Variants in PTPRK observed in about 807,000 individuals in gnomAD.
The protein encoded by PTPRK is protein tyrosine phosphatase receptor type K, also known as receptor-type tyrosine-protein phosphatase kappa.
PTPRK carries 75 observed loss-of-function variants against 178.0 expected under a neutral mutation model. The observed-to-expected ratio is 0.42, with a 90% CI of 0.35 to 0.51. PTPRK has a LOEUF of 0.51. PTPRK is among the 20% of genes least tolerant of loss of function. The pLI is 0.02. For missense variants in PTPRK, 1,441 were observed against 1,797.8 expected (o/e 0.80, Z 3.59); for synonymous variants, 637 against 620.6 (o/e 1.03, Z -0.39).
At chr6:128,400,678 C>T (rs942955810) in intron 1 of PTPRK, among the ~76,000 whole-genome samples, 1 of 152,104 alleles carries the variant, frequency 6.6e-6, no homozygotes, top group African/African-American at 2.4e-5. Flanking sequence ...TATACAGTTC[C>T]TATTGACCAT....
chr6:128,043,805 C>CT (rs34915940), intron 13 of PTPRK, among the ~76,000 whole-genome samples: 117,467 of 150,636 alleles, frequency 0.78, 46,834 homozygotes, highest in South Asian at 0.95. Flanking sequence ...TAGAAGAAAA[C>CT]TTTTTTTTTA....
chr6:128,276,805 A>G (rs558723615), intron 3 of PTPRK, among the ~76,000 whole-genome samples: 5 of 152,166 alleles, frequency 3.3e-5, no homozygotes, highest in Non-Finnish European at 7.4e-5. Flanking sequence ...GATGAGTTCA[A>G]GACTATTCCC....
At chr6:128,435,106 A>C (rs11759849) in intron 1 of PTPRK, among the ~76,000 whole-genome samples, 1,759 of 64,488 alleles carry the variant, frequency 0.027, 34 homozygotes, top group Middle Eastern at 0.037. Context: ...GGAAGGAAGG[A>C]AGGCAGGAAG....
chr6:128,094,405 A>C (rs1018895847), intron 7 of PTPRK, among the ~76,000 whole-genome samples: 1 of 152,168 alleles, frequency 6.6e-6, no homozygotes. Flanking sequence ...GATAGGGGCT[A>C]CTGATGTGGA....
chr6:128,429,630 CT>C (rs1844567402), intron 1 of PTPRK, among the ~76,000 whole-genome samples: 1 of 152,080 alleles, frequency 6.6e-6, no homozygotes, highest in Non-Finnish European at 1.5e-5. Flanking sequence ...AAATATATAT[CT>C]TTTTACAATG....
chr6:128,340,361 A>C (rs929317770), intron 2 of PTPRK, among the ~76,000 whole-genome samples: 7 of 152,226 alleles, frequency 4.6e-5, no homozygotes, highest in African/African-American at 1.7e-4. Flanking sequence ...TTCAGACACC[A>C]GTCTCAGTAA....
intron 5 of PTPRK, among the ~76,000 whole-genome samples, chr6:128,234,870 T>C (rs1340717028): frequency 1.3e-5 from 2 of 152,244 alleles, no homozygotes; most frequent in Non-Finnish European, 2.9e-5. Context: ...CATATGTTCA[T>C]TTTTTGCTTA....
chr6:128,125,497 G>C (rs1028416791), intron 7 of PTPRK, among the ~76,000 whole-genome samples: 19 of 151,758 alleles, frequency 1.3e-4, no homozygotes, highest in African/African-American at 4.4e-4. Context: ...ACAGCCTGTG[G>C]AACTGGGAGC....
At chr6:128,470,766 T>C (rs1197154504) in intron 1 of PTPRK, among the ~76,000 whole-genome samples, 1 of 150,584 alleles carries the variant, frequency 6.6e-6, no homozygotes, top group Non-Finnish European at 1.5e-5. Flanking sequence ...TTTTTTTTTT[T>C]TTTTAATGGC....
chr6:128,241,200 T>C, intron 4 of PTPRK: 1 of 532,528 alleles, frequency 1.9e-6, no homozygotes, highest in South Asian at 1.4e-5. Context: ...CCTTACTGGC[T>C]ACATCTTTCT....
chr6:128,071,300 C>T lies in PTPRK; in HGVS notation c.1884-3508G>A, dbSNP rs1353690456. On this transcript the variant is annotated intron_variant, in intron 11 of 29. Coordinates refer to ENST00000368226, the MANE Select transcript of PTPRK (RefSeq NM_002844.4). ...GTTCACTTAGGAACCTGTGACTGTC[C>T]ATGGTAAGCATTTAAAGTGACTGGG... is the stretch of plus-strand genomic sequence containing the variant. Among the ~76,000 whole-genome samples the T allele has an allele frequency of 4.0e-5, 6 of 151,892 alleles. No individual in the cohort carries two copies. In the East Asian group the frequency reaches 1.2e-3, roughly 29 times the overall value.
chr6:128,491,636 A>G (rs1853786057), intron 1 of PTPRK: 1 of 408,670 alleles, frequency 2.4e-6, no homozygotes, highest in Non-Finnish European at 5.0e-6. Flanking sequence ...TATGAGATTA[A>G]TTTAGACAGG....
At chr6:128,417,474 C>G (rs899327820) in intron 1 of PTPRK, among the ~76,000 whole-genome samples, 2 of 152,148 alleles carry the variant, frequency 1.3e-5, no homozygotes. Flanking sequence ...AATGCAAATT[C>G]AAAAGCAATC....
At chr6:128,448,250 T>C (rs892630630) in intron 1 of PTPRK, among the ~76,000 whole-genome samples, 5 of 152,226 alleles carry the variant, frequency 3.3e-5, no homozygotes, top group Admixed American at 1.3e-4. Flanking sequence ...AATAAAGAAC[T>C]ATTCATTTTT....
intron 3 of PTPRK, among the ~76,000 whole-genome samples, chr6:128,277,636 C>T (rs1562189577): frequency 6.6e-6 from 1 of 152,052 alleles, no homozygotes; most frequent in Non-Finnish European, 1.5e-5. Flanking sequence ...CATCTCCTGG[C>T]CAAAGAAGTG....
At chr6:128,321,954 G>T in intron 3 of PTPRK, 85 bp downstream of exon 3, 1 of 1,555,342 alleles carries the variant, frequency 6.4e-7, no homozygotes, top group Non-Finnish European at 8.8e-7. Flanking sequence ...TCATTACCAT[G>T]AGATGCATAT....
chr6:128,514,969 C>A (rs1020455656), intron 1 of PTPRK, among the ~76,000 whole-genome samples: 6 of 152,194 alleles, frequency 3.9e-5, no homozygotes, highest in Non-Finnish European at 7.3e-5. Flanking sequence ...CTTCATGAAA[C>A]TTTAAAAACC....
At chr6:128,021,241 C>T (rs1015451579) in intron 13 of PTPRK, among the ~76,000 whole-genome samples, 1 of 152,088 alleles carries the variant, frequency 6.6e-6, no homozygotes, top group Non-Finnish European at 1.5e-5. Flanking sequence ...ACAAACACAC[C>T]CAAAATACTT....
At chr6:128,324,013 TG>T (rs1343767945) in intron 2 of PTPRK, among the ~76,000 whole-genome samples, 1 of 152,132 alleles carries the variant, frequency 6.6e-6, no homozygotes, top group Non-Finnish European at 1.5e-5. Flanking sequence ...CTGAAGTCAA[TG>T]GTTGATTTGG....
Sources: allele counts gnomAD v4.1 joint callset (sites outside exome capture counted in the v4.1 genomes callset), GRCh38; gene constraint gnomAD v4.1.1; transcripts MANE v1.5; gene names NCBI Gene and HGNC (gene_info 2026-07-23, HGNC 2026-07-21).